Variants in CMIP observed in about 807,000 individuals in gnomAD.
CMIP encodes the protein C-Maf-inducing protein.
In CMIP, 13 loss-of-function variants were observed where a neutral mutation model predicts 97.3. The ratio of observed to expected loss-of-function variants is 0.13; its 90% CI spans 0.09 to 0.21. The LOEUF (loss-of-function observed/expected upper bound fraction) is 0.21. Among genes scored for constraint, CMIP ranks in the 10% least tolerant of loss-of-function variants. CMIP has a pLI of 1.00. For missense variants in CMIP, 847 were observed against 1,024.9 expected (o/e 0.83, Z 2.37); for synonymous variants, 538 against 436.3 (o/e 1.23, Z -2.91).
At position 81,486,061 on chromosome 16, in the gene CMIP, G is replaced by T. The variant is rs569201832; in HGVS notation, c.300+40520G>T. On this transcript the variant is annotated intron_variant, in intron 1 of 20. Coordinates refer to ENST00000537098, the MANE Select transcript of CMIP (RefSeq NM_198390.3). ...CACCCGGCCTGACAGGCAGAGAGGG[G>T]CTCCCAAAGGCCACACGCAAGGCCA... Among the ~76,000 whole-genome samples the T allele has an allele frequency of 1.5e-4, 23 of 152,376 alleles. No homozygotes were observed. In the South Asian group the frequency reaches 4.8e-3, roughly 32 times the overall value.
chr16:81,469,475 A>G (rs1024335839), intron 1 of CMIP, among the ~76,000 whole-genome samples: 1 of 152,358 alleles, frequency 6.6e-6, no homozygotes, highest in East Asian at 1.9e-4. Context: ...TCTGACACAG[A>G]GAAAGTATAC....
intron 1 of CMIP, among the ~76,000 whole-genome samples, chr16:81,595,492 A>G (rs1417531562): frequency 6.7e-6 from 1 of 150,096 alleles, no homozygotes; most frequent in Non-Finnish European, 1.5e-5. Flanking sequence ...CTGTTCAAGC[A>G]GTTCTCCCAC....
In CMIP at chr16:81,513,441, A is replaced by G. The variant is rs147752841; in HGVS notation, c.300+67900A>G. Reference sequence around the variant, plus strand: ...TGACAGGACTGCAAGCTGATCTGCCATACCACCTGGCTGGAGTGGGCTCCT... The same window carrying G: ...TGACAGGACTGCAAGCTGATCTGCCGTACCACCTGGCTGGAGTGGGCTCCT... On this transcript the variant is annotated intron_variant, in intron 1 of 20. Transcript: ENST00000537098. Among the ~76,000 whole-genome samples the G allele has an allele frequency of 9.2e-5, 14 of 152,310 alleles. No individual in the cohort carries two copies. In the East Asian group the frequency reaches 2.7e-3, roughly 29 times the overall value.
intron 1 of CMIP, among the ~76,000 whole-genome samples, chr16:81,529,809 C>G (rs1044913077): frequency 6.6e-6 from 1 of 152,220 alleles, no homozygotes; most frequent in African/African-American, 2.4e-5. Flanking sequence ...GGCAAGGATA[C>G]TCCTTCTCCT....
chr16:81,647,190 G>A (rs906963939), intron 3 of CMIP, among the ~76,000 whole-genome samples: 5 of 152,132 alleles, frequency 3.3e-5, no homozygotes, highest in Non-Finnish European at 5.9e-5. Context: ...TTTAGCTTGC[G>A]TTTTCCCGAG....
At chr16:81,544,028 G>T (rs1035719674) in intron 1 of CMIP, among the ~76,000 whole-genome samples, 1 of 152,226 alleles carries the variant, frequency 6.6e-6, no homozygotes, top group African/African-American at 2.4e-5. Context: ...AATCTCCATT[G>T]TGAGCCTCCT....
chr16:81,615,724 GGT>G (rs900039429), intron 2 of CMIP, among the ~76,000 whole-genome samples: 8 of 147,324 alleles, frequency 5.4e-5, no homozygotes, highest in African/African-American at 1.8e-4. Context: ...ATGTGTAACT[GGT>G]GTGTGTGTGT....
At chr16:81,455,675 G>A (rs911350861) in intron 1 of CMIP, among the ~76,000 whole-genome samples, 5 of 152,190 alleles carry the variant, frequency 3.3e-5, no homozygotes, top group Admixed American at 2.0e-4. Flanking sequence ...CTAGGATTCC[G>A]AGCCCACCCC....
intron 19 of CMIP, among the ~76,000 whole-genome samples, chr16:81,705,877 C>G (rs985108418): frequency 1.3e-5 from 2 of 152,200 alleles, no homozygotes; most frequent in African/African-American, 4.8e-5. Context: ...TTGACACTCA[C>G]AGTCCACTGA....
chr16:81,676,643 T>G (rs1904317995), intron 9 of CMIP, among the ~76,000 whole-genome samples: 1 of 151,806 alleles, frequency 6.6e-6, no homozygotes, highest in African/African-American at 2.4e-5. Flanking sequence ...GCCGATGGAT[T>G]GTTTATTTCC....
In CMIP at chr16:81,607,690, C is replaced by A; in HGVS notation, c.424C>A (p.Gln142Lys). The A allele has an allele frequency of 6.2e-7, 1 of 1,613,268 alleles. No homozygotes were observed. The highest frequency in any genetic ancestry group is 8.5e-7 in the Non-Finnish European group (1 of 1,179,320). The part of the protein sequence containing the change: ...LTIPGGTVLL[Q>K]AANSYLRDQW... Reference sequence around the variant, plus strand: ...GATTCCTGGGGGAACTGTCTTACTGCAGGTAGGAGAAATAAACATGAACAA... The same window carrying A: ...GATTCCTGGGGGAACTGTCTTACTGAAGGTAGGAGAAATAAACATGAACAA... Residue 142 changes from glutamine to lysine, a missense_variant and splice_region_variant, in exon 2 of 21, where the codon CAG becomes AAG. Coordinates refer to ENST00000537098, the MANE Select transcript of CMIP (RefSeq NM_198390.3).
At chr16:81,467,123 C>G (rs183790821) in intron 1 of CMIP, among the ~76,000 whole-genome samples, 7 of 152,310 alleles carry the variant, frequency 4.6e-5, no homozygotes, top group African/African-American at 1.7e-4. Context: ...TCCCACCAGG[C>G]AAGGGGCTTA....
intron 1 of CMIP, among the ~76,000 whole-genome samples, chr16:81,515,349 C>T (rs914372090): frequency 9.2e-5 from 14 of 152,132 alleles, no homozygotes; most frequent in Admixed American, 3.9e-4. Context: ...TGGTCCCTCA[C>T]GCTTCTAGAT....
intron 3 of CMIP, among the ~76,000 whole-genome samples, chr16:81,626,621 GGT>G (rs1479538589): frequency 1.3e-5 from 2 of 148,860 alleles, no homozygotes; most frequent in Admixed American, 6.7e-5. Flanking sequence ...GTGTGTGTGT[GGT>G]GTGTGGGTGG....
chr16:81,483,830 C>T (rs865907357), intron 1 of CMIP, among the ~76,000 whole-genome samples: 8 of 152,202 alleles, frequency 5.3e-5, no homozygotes, highest in Admixed American at 5.2e-4. Context: ...ACCCGTCCTG[C>T]AGCATGTTAT....
intron 1 of CMIP, among the ~76,000 whole-genome samples, chr16:81,476,974 T>G (rs1370877393): frequency 6.6e-6 from 1 of 152,064 alleles, no homozygotes. Context: ...CTCCTGGGTT[T>G]CAGCCTCAAC....
chr16:81,672,987 A>G (rs2092696626), intron 9 of CMIP, among the ~76,000 whole-genome samples: 1 of 152,244 alleles, frequency 6.6e-6, no homozygotes, highest in African/African-American at 2.4e-5. Context: ...GAGATCATGT[A>G]CAAGTAAATG....
intron 1 of CMIP, among the ~76,000 whole-genome samples, chr16:81,541,865 T>C (rs1202070619): frequency 1.3e-5 from 2 of 152,208 alleles, no homozygotes; most frequent in African/African-American, 4.8e-5. Context: ...AAGCCTCATC[T>C]CTACTACAAA....
rs540569572 is a variant in CMIP, at chr16:81,468,370, C to T, written c.300+22829C>T. On this transcript the variant is annotated intron_variant, in intron 1 of 20. Transcript: ENST00000537098. ...TCAGAGAGAGGCCGGGGCTGGAATT[C>T]CAGCTCTGCGGCCCCATCTGCATGA... Among the ~76,000 whole-genome samples, 22 of 152,382 alleles carry T rather than the reference C, an allele frequency of 1.4e-4. No individual in the cohort carries two copies. The South Asian group carries it at 4.6e-3, about 32-fold the overall frequency.
Sources: gnomAD v4.1 joint callset for allele counts (sites outside exome capture counted in the v4.1 genomes callset) on GRCh38, gnomAD v4.1.1 for gene constraint, MANE v1.5 for transcripts, NCBI Gene and HGNC (gene_info 2026-07-23, HGNC 2026-07-21) for gene names.